Variants in RTTN observed in about 807,000 individuals in gnomAD.
The protein encoded by RTTN is rotatin.
RTTN carries 182 observed loss-of-function variants against 269.2 expected under a neutral mutation model. The observed-to-expected ratio is 0.68, with a 90% CI of 0.60 to 0.76. The LOEUF is 0.76. Among genes scored for constraint, RTTN ranks in the 30% least tolerant of loss-of-function variants. RTTN has a pLI of 0.00. For missense variants in RTTN, 2,545 were observed against 2,608.6 expected (o/e 0.98, Z 0.53); for synonymous variants, 1,006 against 963.5 (o/e 1.04, Z -0.82).
chr18:70,078,287 T>C lies in RTTN; in HGVS notation c.4375-2746A>G, dbSNP rs140266299. On this transcript the variant is annotated intron_variant, in intron 32 of 48. Coordinates refer to ENST00000640769, the MANE Select transcript of RTTN (RefSeq NM_173630.4). Reference sequence around the variant, plus strand: ...GGAGGAACAATCTTCACCAAACATATGGTAACTAACCACACTATCAATCCA... The same window carrying C: ...GGAGGAACAATCTTCACCAAACATACGGTAACTAACCACACTATCAATCCA... Among the ~76,000 whole-genome samples, 33 of 152,080 alleles carry C rather than the reference T, an allele frequency of 2.2e-4. No individual in the cohort carries two copies. In the East Asian group the frequency reaches 4.2e-3, roughly 20 times the overall value.
intron 14 of RTTN, among the ~76,000 whole-genome samples, chr18:70,157,555 C>A (rs911039900): frequency 6.6e-6 from 1 of 152,158 alleles, no homozygotes; most frequent in African/African-American, 2.4e-5. Context: ...ATTCTAAAAG[C>A]CAGAATGTCT....
intron 7 of RTTN, among the ~76,000 whole-genome samples, chr18:70,195,577 C>T (rs1219647445): frequency 6.6e-6 from 1 of 152,224 alleles, no homozygotes; most frequent in Admixed American, 6.5e-5. Flanking sequence ...TTGTTTATCA[C>T]CTGTGCCCAG....
At chr18:70,062,823 G>GT (rs1372072252) in intron 35 of RTTN, among the ~76,000 whole-genome samples, 3 of 152,066 alleles carry the variant, frequency 2.0e-5, no homozygotes, top group Non-Finnish European at 2.9e-5. Context: ...ATCGTGAAAA[G>GT]TATCTCCCAC....
At chr18:70,087,650 C>T (rs2058736097) in intron 31 of RTTN, among the ~76,000 whole-genome samples, 1 of 152,064 alleles carries the variant, frequency 6.6e-6, no homozygotes, top group Admixed American at 6.5e-5. Context: ...ATTTTGACAG[C>T]CTCTTATCTA....
chr18:70,050,417 A>G (rs2057626276), intron 39 of RTTN, among the ~76,000 whole-genome samples: 1 of 152,224 alleles, frequency 6.6e-6, no homozygotes. Context: ...AAAAGTCAGG[A>G]AACAACAGAT....
At chr18:70,161,429 T>C (rs2060827510) in intron 14 of RTTN, among the ~76,000 whole-genome samples, 1 of 151,892 alleles carries the variant, frequency 6.6e-6, no homozygotes, top group African/African-American at 2.4e-5. Context: ...TCTTGGAAAA[T>C]ATTTCATGAT....
chr18:70,131,315 A>G (rs991106083), intron 23 of RTTN: 2 of 151,758 alleles, frequency 1.3e-5, no homozygotes, highest in African/African-American at 4.8e-5. Flanking sequence ...TATTTACTGC[A>G]TAAAATAATT....
chr18:70,132,375 T>C (rs1292073204), intron 23 of RTTN, among the ~76,000 whole-genome samples: 1 of 152,022 alleles, frequency 6.6e-6, no homozygotes, highest in Non-Finnish European at 1.5e-5. Context: ...ATGGAACATT[T>C]TAAAAAGCTG....
At chr18:70,110,988 C>T (rs907270572) in intron 27 of RTTN, among the ~76,000 whole-genome samples, 2 of 152,220 alleles carry the variant, frequency 1.3e-5, no homozygotes, top group African/African-American at 4.8e-5. Context: ...CTCAACAAGG[C>T]TGCCATGGCC....
intron 45 of RTTN, among the ~76,000 whole-genome samples, chr18:70,020,281 T>C (rs903189773): frequency 5.3e-5 from 8 of 152,210 alleles, no homozygotes; most frequent in Admixed American, 1.3e-4. Context: ...ATTTGGTCTG[T>C]TTAAAGACCA....
At chr18:70,049,710 T>C (rs1295409546) in intron 39 of RTTN, among the ~76,000 whole-genome samples, 3 of 152,210 alleles carry the variant, frequency 2.0e-5, no homozygotes, top group Non-Finnish European at 4.4e-5. Context: ...TGAATATTTA[T>C]GTTAAAAAAC....
At chr18:70,007,954 C>T (rs1459483339) in intron 46 of RTTN, 1 of 153,972 alleles carries the variant, frequency 6.5e-6, no homozygotes, top group Non-Finnish European at 1.4e-5. Flanking sequence ...GCTCGTGCCT[C>T]CTGACTGGGA....
intron 40 of RTTN, among the ~76,000 whole-genome samples, chr18:70,037,846 T>C (rs954901720): frequency 6.6e-6 from 1 of 152,174 alleles, no homozygotes; most frequent in Non-Finnish European, 1.5e-5. Flanking sequence ...TTGGACAGTA[T>C]TTCTGGACCA....
At chr18:70,116,281 G>A (rs1444578824) in intron 26 of RTTN, among the ~76,000 whole-genome samples, 1 of 151,900 alleles carries the variant, frequency 6.6e-6, no homozygotes, top group African/African-American at 2.4e-5. Flanking sequence ...TATTAATTCT[G>A]ATATGCTGAT....
intron 47 of RTTN, 35 bp downstream of exon 47, chr18:70,006,346 G>T: frequency 1.4e-6 from 2 of 1,458,010 alleles, no homozygotes; most frequent in Non-Finnish European, 1.9e-6. Flanking sequence ...CTTGTTGTTT[G>T]CTCCCCAGGT....
chr18:70,062,095 T>G (rs2058003752), intron 35 of RTTN, among the ~76,000 whole-genome samples: 1 of 152,204 alleles, frequency 6.6e-6, no homozygotes, highest in Non-Finnish European at 1.5e-5. Context: ...TGGTTACAGT[T>G]CATTTTGCCA....
chr18:70,128,313 A>C, intron 24 of RTTN, 45 bp downstream of exon 24: 1 of 1,493,292 alleles, frequency 6.7e-7, no homozygotes. Context: ...AATTAATTAC[A>C]ATTAATTAAT....
In RTTN at chr18:70,128,464, C is replaced by T. The variant is rs748254074; in HGVS notation, c.3037G>A (p.Ala1013Thr). Residue 1013 changes from alanine to threonine, a missense_variant, in exon 24 of 49, where the codon GCC (alanine) becomes ACC (threonine). Physicochemically the swap from Ala to Thr is moderately conservative, Grantham distance 58. Transcript: ENST00000640769. ...AGCATATCTGACACCGGCTTCAAGG[C>T]CAAACAATCAGCAGATAAGGGCAAA... ...IVLPLSADCL[A>T]LKPVSDMLRI... The T allele has an allele frequency of 8.1e-6, 13 of 1,613,236 alleles. No homozygotes were observed. In the Admixed American group the frequency reaches 2.2e-4, roughly 27 times the overall value.
At chr18:70,187,077 A>G (rs2146066194) in intron 10 of RTTN, among the ~76,000 whole-genome samples, 2 of 152,344 alleles carry the variant, frequency 1.3e-5, no homozygotes, top group Middle Eastern at 3.4e-3. Context: ...ATACCTGCAC[A>G]TTTATGAAAT....
Sources: allele counts gnomAD v4.1 joint callset (sites outside exome capture counted in the v4.1 genomes callset), GRCh38; gene constraint gnomAD v4.1.1; transcripts MANE v1.5; gene names NCBI Gene and HGNC (gene_info 2026-07-23, HGNC 2026-07-21).